Variants in RBFOX1 observed in about 807,000 individuals in gnomAD.
RBFOX1 encodes the protein RNA binding fox-1 homolog 1.
In RBFOX1, 8 loss-of-function variants were observed where a neutral mutation model predicts 57.7. The observed-to-expected ratio is 0.14, with a 90% CI of 0.08 to 0.25. RBFOX1 has a LOEUF of 0.25. RBFOX1 is among the 10% of genes least tolerant of loss of function. The pLI is 1.00. For missense variants in RBFOX1, 611 were observed against 548.5 expected (o/e 1.11, Z -1.14); for synonymous variants, 326 against 222.4 (o/e 1.47, Z -4.15).
intron 3 of RBFOX1, among the ~76,000 whole-genome samples, chr16:6,815,512 T>A (rs1343262602): frequency 1.3e-5 from 2 of 152,140 alleles, no homozygotes; most frequent in African/African-American, 4.8e-5. Context: ...ATTTCTAAAT[T>A]GTCACTCCAG....
intron 4 of RBFOX1, among the ~76,000 whole-genome samples, chr16:5,945,287 G>T (rs567246290): frequency 6.6e-6 from 1 of 152,268 alleles, no homozygotes; most frequent in East Asian, 1.9e-4. Context: ...ACCCACACAT[G>T]GTCTGATGTT....
chr16:7,566,085 T>G (rs1055975842), intron 5 of RBFOX1, among the ~76,000 whole-genome samples: 4 of 152,186 alleles, frequency 2.6e-5, no homozygotes, highest in African/African-American at 9.6e-5. Flanking sequence ...ACGCTCATAT[T>G]CTAGGAAGCA....
intron 4 of RBFOX1, among the ~76,000 whole-genome samples, chr16:7,346,075 G>C (rs1568330184): frequency 1.3e-5 from 2 of 152,134 alleles, no homozygotes; most frequent in Non-Finnish European, 2.9e-5. Flanking sequence ...AGAACATGCG[G>C]TGTTTGGTTT....
Position 6,839,437 on chromosome 16 carries a change from A to T in RBFOX1, c.-16+184787A>T, listed in dbSNP as rs145436614. On this transcript the variant is annotated intron_variant, in intron 3 of 15. Transcript: ENST00000550418. ...TCGACAGACTCAATAAACACCCTGA[A>T]ATTTAACATGCTTCTGCTATCTGCT... Among the ~76,000 whole-genome samples, 3 of 152,298 alleles carry T rather than the reference A, an allele frequency of 2.0e-5. No homozygotes were observed. The East Asian group carries it at 5.8e-4, about 29-fold the overall frequency.
intron 3 of RBFOX1, among the ~76,000 whole-genome samples, chr16:7,007,163 A>G (rs191920288): frequency 6.6e-5 from 10 of 152,302 alleles, no homozygotes; most frequent in Non-Finnish European, 4.4e-5. Flanking sequence ...GTTGCCAGCA[A>G]AATTTATTTC....
intron 1 of RBFOX1, among the ~76,000 whole-genome samples, chr16:5,310,667 G>T (rs2064063055): frequency 6.6e-6 from 1 of 152,206 alleles, no homozygotes; most frequent in South Asian, 2.1e-4. Context: ...GAGGGTTAGT[G>T]CTCAGCTGGG....
At chr16:6,865,301 C>A (rs967066327) in intron 3 of RBFOX1, among the ~76,000 whole-genome samples, 1 of 151,642 alleles carries the variant, frequency 6.6e-6, no homozygotes, top group African/African-American at 2.4e-5. Flanking sequence ...CCGTGCCCGA[C>A]CTGGAGTGGG....
intron 2 of RBFOX1, among the ~76,000 whole-genome samples, chr16:6,402,411 A>G (rs1307249902): frequency 1.3e-5 from 2 of 152,196 alleles, no homozygotes; most frequent in African/African-American, 4.8e-5. Context: ...GAACAAACAC[A>G]TTTGCTTGCT....
rs370502811 is a variant in RBFOX1, at chr16:6,816,836, C to G, written c.-16+162186C>G. ...CATATCTCACTGCAGTCTCAAACTC[C>G]TGGGCTCAAACAGTCCTCCCACTTC... On this transcript the variant is annotated intron_variant, in intron 3 of 15. Transcript: ENST00000550418. Among the ~76,000 whole-genome samples, 345 of 152,180 alleles carry G rather than the reference C, an allele frequency of 2.3e-3. 1 individual carries two copies. The highest frequency in any genetic ancestry group is 0.017 in the Middle Eastern group (5 of 294).
intron 5 of RBFOX1, among the ~76,000 whole-genome samples, chr16:7,567,229 C>CTATATAAATATCTATATATATATCCCTA (rs1567864204): frequency 8.4e-6 from 1 of 118,376 alleles, no homozygotes; most frequent in Non-Finnish European, 1.8e-5. Flanking sequence ...ATATATATCC[C>CTATATAAATATCTATATATATATCCCTA]TATATATATA....
chr16:7,688,888 G>A (rs1401257924), intron 14 of RBFOX1, among the ~76,000 whole-genome samples: 1 of 152,060 alleles, frequency 6.6e-6, no homozygotes, highest in Non-Finnish European at 1.5e-5. Flanking sequence ...GATTCAGAAT[G>A]TTAAGTTACT....
rs143841182 is a variant in RBFOX1 at position 5,498,919 on chromosome 16, G to A, written c.258+31665G>A. On this transcript the variant is annotated intron_variant, in intron 2 of 2. Transcript: ENST00000585867. ...GTCTGCAGGTCCATCCTTCTCAGAG[G>A]TACTAAGTCAGGCTCTCACTGTTGG... Among the ~76,000 whole-genome samples, 23 of 152,306 alleles carry A rather than the reference G, an allele frequency of 1.5e-4. No individual in the cohort carries two copies. In the East Asian group the frequency reaches 4.3e-3, roughly 28 times the overall value.
intron 3 of RBFOX1, among the ~76,000 whole-genome samples, chr16:6,953,810 G>C (rs892235515): frequency 6.6e-6 from 1 of 152,184 alleles, no homozygotes; most frequent in Non-Finnish European, 1.5e-5. Context: ...GTTTGCAACT[G>C]ATAGAACCGA....
chr16:5,895,062 CA>C (rs1329540185), intron 4 of RBFOX1, among the ~76,000 whole-genome samples: 1 of 150,864 alleles, frequency 6.6e-6, no homozygotes, highest in Non-Finnish European at 1.5e-5. Flanking sequence ...GGGGGTATTA[CA>C]CAAGTACTGA....
At chr16:6,588,550 G>A (rs1389178249) in intron 2 of RBFOX1, among the ~76,000 whole-genome samples, 5 of 152,046 alleles carry the variant, frequency 3.3e-5, no homozygotes, top group African/African-American at 4.8e-5. Flanking sequence ...TACTCTGGAG[G>A]CTGAGGCTGG....
intron 3 of RBFOX1, among the ~76,000 whole-genome samples, chr16:6,935,397 C>T (rs545521160): frequency 6.6e-6 from 1 of 152,294 alleles, no homozygotes. Context: ...TACCATGTGA[C>T]TTCCAACAGT....
In RBFOX1 at chr16:6,487,754, T is replaced by A. The variant is rs550212742; in HGVS notation, c.-63-166849T>A. On this transcript the variant is annotated intron_variant, in intron 2 of 15. Coordinates refer to ENST00000550418, the MANE Select transcript of RBFOX1 (RefSeq NM_018723.4). ...ATATATATATATATATATATATATA[T>A]AAAATATTATGCAGTGATGGGCATG... Among the ~76,000 whole-genome samples the A allele has an allele frequency of 3.8e-3, 430 of 111,944 alleles. 7 individuals carry two copies. Among genetic ancestry groups the A allele is most frequent in the African/African-American group, 0.01 (271 of 27,082 alleles). The allele number at this position is 111,944 out of a possible 152,430, so 73.4% of individuals were successfully genotyped here.
intron 1 of RBFOX1, among the ~76,000 whole-genome samples, chr16:5,285,518 C>T (rs566515711): frequency 6.6e-6 from 1 of 152,138 alleles, no homozygotes; most frequent in South Asian, 2.1e-4. Context: ...TGTTATGTTT[C>T]CTTTTTCATA....
At chr16:6,299,177 A>G (rs75628921) in intron 1 of RBFOX1, among the ~76,000 whole-genome samples, 3,049 of 152,336 alleles carry the variant, frequency 0.02, 104 homozygotes, top group African/African-American at 0.068. Flanking sequence ...ACCATGGGAA[A>G]GAAAATGCAA....
Sources: gnomAD v4.1 joint callset for allele counts (sites outside exome capture counted in the v4.1 genomes callset) on GRCh38, gnomAD v4.1.1 for gene constraint, MANE v1.5 for transcripts, NCBI Gene and HGNC (gene_info 2026-07-23, HGNC 2026-07-21) for gene names.